DCDC2: variants seen among roughly 807,000 people sequenced by gnomAD.
The protein encoded by DCDC2 is doublecortin domain-containing protein 2.
In DCDC2, 40 loss-of-function variants were observed where a neutral mutation model predicts 50.2. The observed-to-expected ratio is 0.80, with a 90% CI of 0.62 to 1.04. The LOEUF is 1.04. Among genes scored for constraint, DCDC2 ranks in the 50% least tolerant of loss-of-function variants. The pLI is 0.00. For missense variants in DCDC2, 570 were observed against 581.9 expected, an observed-to-expected ratio of 0.98 and a Z score of 0.21; for synonymous variants, 234 against 210.6, an observed-to-expected ratio of 1.11 and a Z score of -0.96.
chr6:24,203,597 AACACCAAAAGCAATG>A (rs143115839), intron 8 of DCDC2, among the ~76,000 whole-genome samples: 244 of 152,332 alleles, frequency 1.6e-3, no homozygotes, highest in African/African-American at 5.8e-3. Flanking sequence ...ATATGAATAA[AACACCAAAAGCAATG>A]GCAACAAAAG....
At chr6:24,369,133 C>CAAAAAAAAAAAAAAAAAAAAAAAAA in the DCDC2 span, among the ~76,000 whole-genome samples, 1 of 92,810 alleles carries the variant, frequency 1.1e-5, no homozygotes, top group African/African-American at 4.8e-5. Flanking sequence ...GACTCTGTCT[C>CAAAAAAAAAAAAAAAAAAAAAAAAA]AAAAAAAAAA....
At chr6:24,239,617 T>G (rs57703909) in intron 7 of DCDC2, among the ~76,000 whole-genome samples, 6,131 of 152,246 alleles carry the variant, frequency 0.04, 265 homozygotes, top group African/African-American at 0.11. Context: ...TCCTTTCCTG[T>G]GATTTTTTTC....
intron 4 of DCDC2, among the ~76,000 whole-genome samples, chr6:24,294,039 G>A (rs1763808350): frequency 6.6e-6 from 1 of 152,172 alleles, no homozygotes; most frequent in South Asian, 2.1e-4. Context: ...GTGTTAAGAG[G>A]AAAATTTATA....
chr6:24,309,403 T>C (rs907459069), intron 2 of DCDC2, among the ~76,000 whole-genome samples: 3 of 151,608 alleles, frequency 2.0e-5, no homozygotes, highest in African/African-American at 7.3e-5. Context: ...TGGTAACATA[T>C]ATAAAACTAA....
At chr6:24,337,846 CT>C (rs1318478237) in intron 2 of DCDC2, among the ~76,000 whole-genome samples, 2 of 151,580 alleles carry the variant, frequency 1.3e-5, no homozygotes, top group Non-Finnish European at 2.9e-5. Flanking sequence ...TATTTTATCC[CT>C]TTTCTGGATT....
At chr6:24,284,044 C>T (rs1047521332) in intron 6 of DCDC2, among the ~76,000 whole-genome samples, 1 of 152,158 alleles carries the variant, frequency 6.6e-6, no homozygotes, top group Non-Finnish European at 1.5e-5. Flanking sequence ...TGGAATGTAA[C>T]CTCCGTGCAT....
At chr6:24,248,747 T>C (rs1423775688) in intron 7 of DCDC2, among the ~76,000 whole-genome samples, 1 of 152,132 alleles carries the variant, frequency 6.6e-6, no homozygotes, top group Non-Finnish European at 1.5e-5. Flanking sequence ...ACCTACCTCA[T>C]ATAAAACATA....
rs897037842 is a variant in DCDC2 at position 24,214,477 on chromosome 6, A to G, written c.923-9375T>C. Among the ~76,000 whole-genome samples the G allele has an allele frequency of 1.1e-3, 3 of 2,768 alleles. No individual in the cohort carries two copies. The Non-Finnish European group carries it at 0.043, about 40-fold the overall frequency. 1.8% of individuals were successfully genotyped at this position (2,768 alleles called of 152,430 possible). On this transcript the variant is annotated intron_variant, in intron 7 of 9. Transcript: ENST00000378454. ...CAAAGAATAAAGCACATTATTTACA[A>G]TATGTATAATAATGCTTATTTCCTA...
At chr6:24,327,890 T>C (rs764459858) in intron 2 of DCDC2, among the ~76,000 whole-genome samples, 5 of 152,256 alleles carry the variant, frequency 3.3e-5, no homozygotes, top group Non-Finnish European at 7.3e-5. Context: ...TCCTTGCATT[T>C]GCTAGTCTCT....
At chr6:24,343,741 G>A (rs1469227792) in intron 2 of DCDC2, among the ~76,000 whole-genome samples, 1 of 152,166 alleles carries the variant, frequency 6.6e-6, no homozygotes, top group Admixed American at 6.5e-5. Flanking sequence ...TTCAATAGGT[G>A]TTGCTGTTCA....
intron 7 of DCDC2, among the ~76,000 whole-genome samples, chr6:24,221,188 C>T (rs1398216259): frequency 6.6e-6 from 1 of 152,148 alleles, no homozygotes; most frequent in African/African-American, 2.4e-5. Context: ...TGAGTTTTAG[C>T]TCCTTGTTAT....
upstream of DCDC2, among the ~76,000 whole-genome samples, chr6:24,359,564 TTA>T (rs1177406943): frequency 8.6e-6 from 1 of 116,724 alleles, no homozygotes; most frequent in Non-Finnish European, 1.7e-5. Context: ...TTATATATTT[TTA>T]TATATATATT....
Position 24,352,256 on chromosome 6 carries a change from T to C in DCDC2, c.348+1313A>G, listed in dbSNP as rs78302503. On this transcript the variant is annotated intron_variant, in intron 2 of 9. Coordinates refer to ENST00000378454, the MANE Select transcript of DCDC2 (RefSeq NM_016356.5). ...GGGAATTCACACATCTCAAATTCTA[T>C]TGCGGAAGTCCAGGTTTCTTCACCA... 5.6e-3 allele frequency among the ~76,000 whole-genome samples: 857 copies of C among 152,350 alleles called. 7 individuals carry two copies. The highest frequency in any genetic ancestry group is 0.019 in the African/African-American group (809 of 41,578).
rs765626354 is a variant in DCDC2, at chr6:24,354,337, CTAAA to C, written c.294-718_294-715del. 2.0e-4 allele frequency among the ~76,000 whole-genome samples: 30 copies of C among 152,092 alleles called. No homozygotes were observed. In the East Asian group the frequency reaches 2.5e-3, roughly 13 times the overall value. ...AACTGTGCTTCATACATAAAATGTG[CTAAA>C]TAAACATTTTAATATTAAAAAGTAT... On this transcript the variant is annotated intron_variant, in intron 1 of 9. Coordinates refer to ENST00000378454, the MANE Select transcript of DCDC2 (RefSeq NM_016356.5).
chr6:24,221,532 C>T (rs1030355276), intron 7 of DCDC2, among the ~76,000 whole-genome samples: 1 of 152,204 alleles, frequency 6.6e-6, no homozygotes, highest in African/African-American at 2.4e-5. Context: ...GATGTTGCTA[C>T]AGAGAGGAGA....
At chr6:24,181,220 G>T (rs1761063979) in intron 8 of DCDC2, among the ~76,000 whole-genome samples, 5 of 152,194 alleles carry the variant, frequency 3.3e-5, no homozygotes, top group Admixed American at 2.6e-4. Flanking sequence ...GCCAGCTGGT[G>T]CTAAAAGGCA....
chr6:24,270,417 G>A (rs114427268), intron 7 of DCDC2, among the ~76,000 whole-genome samples: 1,924 of 152,220 alleles, frequency 0.013, 45 homozygotes, highest in African/African-American at 0.044. Context: ...CTTACAGTTT[G>A]CAGCCTTTAA....
chr6:24,359,273 TTA>T (rs1274322267), upstream of DCDC2, among the ~76,000 whole-genome samples: 143 of 44,092 alleles, frequency 3.2e-3, no homozygotes, highest in African/African-American at 5.1e-3. Flanking sequence ...ATTTTATATT[TTA>T]TATATATTAT....
At chr6:24,272,124 A>G (rs1410055515) in intron 7 of DCDC2, among the ~76,000 whole-genome samples, 1 of 152,118 alleles carries the variant, frequency 6.6e-6, no homozygotes, top group Non-Finnish European at 1.5e-5. Context: ...ACTCCACTCA[A>G]ATTGAGCCAT....
Sources: gnomAD v4.1 joint callset for allele counts (sites outside exome capture counted in the v4.1 genomes callset) on GRCh38, gnomAD v4.1.1 for gene constraint, MANE v1.5 for transcripts, NCBI Gene and HGNC (gene_info 2026-07-23, HGNC 2026-07-21) for gene names.